The following ZNF565 variants were observed in gnomAD, a reference collection of about 807,000 sequenced individuals.
ZNF565 encodes zinc finger protein 565.
ZNF565 carries 27 observed loss-of-function variants against 39.4 expected under a neutral mutation model. The observed-to-expected ratio is 0.69, with a 90% CI of 0.51 to 0.95. The LOEUF (loss-of-function observed/expected upper bound fraction) is 0.95, where lower values mean the gene tolerates loss of function less well. Ranked by LOEUF, ZNF565 falls within the 40% of genes least tolerant of loss-of-function variation. The pLI is 0.00. For missense variants in ZNF565, 524 were observed against 621.1 expected, an observed-to-expected ratio of 0.84 and a Z score of 1.66; for synonymous variants, 185 against 216.6, an observed-to-expected ratio of 0.85 and a Z score of 1.28.
At chr19:36,235,477 A>G (rs1848793386) in intron 1 of ZNF565, among the ~76,000 whole-genome samples, 1 of 152,198 alleles carries the variant, frequency 6.6e-6, no homozygotes, top group Admixed American at 6.5e-5. Flanking sequence ...TTATTTTCAT[A>G]TTGGGAGATG....
At chr19:36,218,206 A>T (rs1027746154), upstream of ZNF565, 3 of 151,288 alleles carry the variant, frequency 2.0e-5, no homozygotes, top group African/African-American at 7.3e-5. Flanking sequence ...GTAGGTACTT[A>T]AACCTTGGGC....
intron 4 of ZNF565, among the ~76,000 whole-genome samples, chr19:36,185,573 C>T (rs549584898): frequency 6.6e-6 from 1 of 152,160 alleles, no homozygotes; most frequent in African/African-American, 2.4e-5. Context: ...ACAAAACCAC[C>T]AGCCATCTAT....
At chr19:36,204,288 A>T (rs1025953021) in intron 1 of ZNF565, among the ~76,000 whole-genome samples, 1 of 152,140 alleles carries the variant, frequency 6.6e-6, no homozygotes, top group Non-Finnish European at 1.5e-5. Context: ...GGTGTCAAGA[A>T]AACTTTTCTG....
chr19:36,229,837 A>C (rs1977246000), intron 1 of ZNF565, among the ~76,000 whole-genome samples: 1 of 152,188 alleles, frequency 6.6e-6, no homozygotes, highest in Admixed American at 6.5e-5. Context: ...CTTGTGCCTC[A>C]GGCTCCCGAG....
chr19:36,202,095 T>C (rs775222582), intron 1 of ZNF565, 45 bp from the exon 2 acceptor site: 43 of 1,100,964 alleles, frequency 3.9e-5, no homozygotes, highest in Non-Finnish European at 6.0e-5. Flanking sequence ...TCTGATAAAC[T>C]GAGCTTGCCT....
chr19:36,200,905 C>T (rs1280079211), intron 2 of ZNF565, among the ~76,000 whole-genome samples: 1 of 152,026 alleles, frequency 6.6e-6, no homozygotes, highest in Non-Finnish European at 1.5e-5. Flanking sequence ...CTACCTCAGC[C>T]TCTCAAGTAG....
intron 4 of ZNF565, among the ~76,000 whole-genome samples, chr19:36,188,250 G>A (rs1317734824): frequency 6.6e-6 from 1 of 151,728 alleles, no homozygotes; most frequent in African/African-American, 2.4e-5. Context: ...AGCTACTCAG[G>A]AGGCTGAGAC....
upstream of ZNF565, among the ~76,000 whole-genome samples, chr19:36,216,069 T>G (rs1976591308): frequency 6.6e-6 from 1 of 152,184 alleles, no homozygotes; most frequent in South Asian, 2.1e-4. Context: ...TTGACATAGT[T>G]TTAAATTACA....
In ZNF565 at chr19:36,183,030, G is replaced by T; in HGVS notation, c.936C>A (p.Cys312Ter). 5.6e-6 allele frequency: 9 copies of T among 1,613,974 alleles called. No homozygotes were observed. Among genetic ancestry groups the T allele is most frequent in the Non-Finnish European group, 6.8e-6 (8 of 1,179,980 alleles). Reference protein sequence around the residue: ...TGARPYECKECGKAFRQHSQL... With the variant: ...TGARPYECKE Reference sequence around the variant, plus strand: ...GTGAGTGCTGTCTAAAGGCTTTCCCGCATTCTTTACACTCATAGGGTCTGG... The same window carrying T: ...GTGAGTGCTGTCTAAAGGCTTTCCCTCATTCTTTACACTCATAGGGTCTGG... Residue 312 changes from cysteine (C) to a stop codon, truncating the protein, a stop_gained, in exon 5 of 5, where the codon TGC becomes TGA. Coordinates refer to ENST00000304116, the MANE Select transcript of ZNF565 (RefSeq NM_152477.5). LOFTEE classifies it high-confidence loss of function.
At chr19:36,229,043 A>G (rs1977204160) in intron 1 of ZNF565, among the ~76,000 whole-genome samples, 1 of 152,110 alleles carries the variant, frequency 6.6e-6, no homozygotes, top group South Asian at 2.1e-4. Flanking sequence ...TGCTGTTCTG[A>G]TGTCAGCCTT....
In ZNF565 at chr19:36,206,907, G is replaced by A. The variant is rs546039360; in HGVS notation, c.-65-4857C>T. Among the ~76,000 whole-genome samples the A allele has an allele frequency of 7.9e-5, 12 of 152,280 alleles. No individual in the cohort carries two copies. In the South Asian group the frequency reaches 1.9e-3, roughly 24 times the overall value. On this transcript the variant is annotated intron_variant, in intron 1 of 4. Transcript: ENST00000304116. ...ACAGATAAAAACAAAGAAGATTAAG[G>A]GGAGAGGGAGTTTTGGAGGAAGAGA... is the stretch of plus-strand genomic sequence containing the variant.
chr19:36,244,517 G>A (rs1977847555), intron 1 of ZNF565, among the ~76,000 whole-genome samples: 1 of 151,540 alleles, frequency 6.6e-6, no homozygotes, highest in Non-Finnish European at 1.5e-5. Flanking sequence ...CTCCGACCTG[G>A]GCAACAGAGC....
Position 36,182,967 on chromosome 19 carries a change from T to C in ZNF565, c.999A>G (p.Lys333=), listed in dbSNP as rs749160787. 1 of 1,614,186 alleles carries C rather than the reference T, an allele frequency of 6.2e-7. No homozygotes were observed. The highest frequency in any genetic ancestry group is 1.7e-5 in the Admixed American group (1 of 60,008). The change falls in exon 5 of 5, where the codon AAA becomes AAG. Residue 333 remains lysine, a synonymous_variant. Coordinates refer to ENST00000304116, the MANE Select transcript of ZNF565 (RefSeq NM_152477.5). ...TTCCGCATTCCTTACACTCGTAGGGTTTCTCACCAGTGTGGATTCGCTGGT... is the reference window on the plus strand; with the variant it reads ...TTCCGCATTCCTTACACTCGTAGGGCTTCTCACCAGTGTGGATTCGCTGGT... ...TVHQRIHTGE[K]PYECKECGKG...
At chr19:36,236,524 A>G (rs767068197) in intron 1 of ZNF565, 1 of 1,614,192 alleles carries the variant, frequency 6.2e-7, no homozygotes, top group South Asian at 1.1e-5. Context: ...TCAGCCACAA[A>G]TCAAACCTCA....
In ZNF565 at chr19:36,194,242, A is replaced by G; in HGVS notation, c.223T>C (p.Trp75Arg). ...WMIANDVTGPWCPDLESRCEK... is the reference protein window; with the variant it reads ...WMIANDVTGPRCPDLESRCEK... ...ATCGGCCCTCGCTTACCTGGGCACC[A>G]TGGTCCTGTCACATCATTTGCAATC... is the stretch of plus-strand genomic sequence containing the variant. Residue 75 changes from tryptophan (W) to arginine (R), a missense_variant, in exon 4 of 5, where the codon TGG becomes CGG. Trp to Arg is a moderately radical substitution (Grantham distance 101, BLOSUM62 -3). Coordinates refer to ENST00000304116, the MANE Select transcript of ZNF565 (RefSeq NM_152477.5). The G allele has an allele frequency of 1.2e-6, 2 of 1,611,952 alleles. No individual in the cohort carries two copies. The highest frequency in any genetic ancestry group is 1.1e-5 in the South Asian group (1 of 90,518).
Position 36,245,618 on chromosome 19 carries a change from GCTACCAC to G in ZNF565, c.-95_-89del. ...TGAGATGCAGCCTCCCAGCTTCGAG[GCTACCAC>G]CTGCCCGAATTGGTGCTTTGGCAGA... On this transcript the variant is annotated 5_prime_UTR_variant, in exon 1 of 5. Coordinates refer to the ZNF565 transcript ENST00000355114. This position sits in a 1 kb window ranked among gnomAD's most constrained non-coding sequence, Gnocchi z 4.4. The G allele has an allele frequency of 1.4e-6, 1 of 699,616 alleles. No homozygotes were observed. Among genetic ancestry groups the G allele is most frequent in the Non-Finnish European group, 2.6e-6 (1 of 382,942 alleles). The allele number at this position is 699,616 out of a possible 1,614,324, so 43.3% of individuals were successfully genotyped here.
At chr19:36,210,795 A>T (rs1414529555) in intron 1 of ZNF565, among the ~76,000 whole-genome samples, 3 of 151,972 alleles carry the variant, frequency 2.0e-5, no homozygotes, top group African/African-American at 7.2e-5. Context: ...TGGCTGAAAA[A>T]AAATCATTTT....
chr19:36,182,204 C>G, downstream of ZNF565: 1 of 362,076 alleles, frequency 2.8e-6, no homozygotes, highest in Non-Finnish European at 4.9e-6. Context: ...AGAAATTTAA[C>G]ATATTTTGAA....
intron 1 of ZNF565, among the ~76,000 whole-genome samples, chr19:36,233,010 G>A (rs951158325): frequency 3.9e-5 from 6 of 152,238 alleles, no homozygotes; most frequent in Non-Finnish European, 5.9e-5. Flanking sequence ...TTGTATGTCC[G>A]TATCCATGTG....
Sources: allele counts gnomAD v4.1 joint callset (sites outside exome capture counted in the v4.1 genomes callset), GRCh38; gene constraint gnomAD v4.1.1; non-coding constraint Gnocchi (gnomAD v3.1); transcripts MANE v1.5; gene names NCBI Gene and HGNC (gene_info 2026-07-23, HGNC 2026-07-21).